SLC71A2: variants seen among roughly 807,000 people sequenced by gnomAD.
SLC71A2 encodes the protein hippocampus abundant transcript-like 1.
chr9:94,384,580 T>TA, the SLC71A2 span, among the ~76,000 whole-genome samples: 2 of 152,322 alleles, frequency 1.3e-5, no homozygotes, highest in African/African-American at 2.4e-5. Context: ...GCTCAAGTGA[T>TA]ACACCCGCCT....
chr9:94,435,436 T>G, the SLC71A2 span, among the ~76,000 whole-genome samples: 5 of 152,208 alleles, frequency 3.3e-5, no homozygotes, highest in Non-Finnish European at 5.9e-5. Flanking sequence ...TCAGCAGTTA[T>G]GCCTTTTTTC....
chr9:94,444,989 T>C, the SLC71A2 span: 3 of 1,614,106 alleles, frequency 1.9e-6, no homozygotes, highest in Non-Finnish European at 2.5e-6. Flanking sequence ...GCGGCTAGTC[T>C]TGTCAGCAGC....
At chr9:94,456,530 T>C in the SLC71A2 span, among the ~76,000 whole-genome samples, 1 of 152,226 alleles carries the variant, frequency 6.6e-6, no homozygotes, top group Non-Finnish European at 1.5e-5. Context: ...CTTATATTTT[T>C]TAAAGCTAGA....
chr9:94,386,114 T>A, the SLC71A2 span, among the ~76,000 whole-genome samples: 1 of 152,168 alleles, frequency 6.6e-6, no homozygotes, highest in African/African-American at 2.4e-5. Flanking sequence ...ATGTCTTTAT[T>A]TAGGTGAAAT....
the SLC71A2 span, among the ~76,000 whole-genome samples, chr9:94,386,014 G>A: frequency 4.6e-5 from 7 of 151,962 alleles, no homozygotes; most frequent in African/African-American, 1.7e-4. Flanking sequence ...AAGTCTTTGG[G>A]AATTTGATAG....
the SLC71A2 span, among the ~76,000 whole-genome samples, chr9:94,449,537 G>T: frequency 6.6e-5 from 10 of 152,168 alleles, no homozygotes; most frequent in East Asian, 7.7e-4. Context: ...CACCAACAAT[G>T]AGATAACCAT....
chr9:94,386,161 A>T, the SLC71A2 span, among the ~76,000 whole-genome samples: 5 of 152,176 alleles, frequency 3.3e-5, no homozygotes, highest in African/African-American at 1.2e-4. Context: ...TCAGTGTATA[A>T]GTCTTTCACT....
At chr9:94,423,762 C>G in the SLC71A2 span, among the ~76,000 whole-genome samples, 1 of 152,162 alleles carries the variant, frequency 6.6e-6, no homozygotes, top group African/African-American at 2.4e-5. Flanking sequence ...TCTGAAGATT[C>G]TAGTTTGGCT....
At chr9:94,419,118 G>GT in the SLC71A2 span, among the ~76,000 whole-genome samples, 334 of 144,530 alleles carry the variant, frequency 2.3e-3, 2 homozygotes, top group South Asian at 4.4e-3. Flanking sequence ...GCAATTTTGG[G>GT]TTTTTTTTTT....
chr9:94,448,805 G>A, the SLC71A2 span, among the ~76,000 whole-genome samples: 2 of 152,060 alleles, frequency 1.3e-5, no homozygotes, highest in Non-Finnish European at 2.9e-5. Flanking sequence ...GCTAAGTTTT[G>A]TATTTTTAGT....
At chr9:94,445,917 C>G in the SLC71A2 span, among the ~76,000 whole-genome samples, 1 of 152,182 alleles carries the variant, frequency 6.6e-6, no homozygotes, top group African/African-American at 2.4e-5. Flanking sequence ...GGGATCCTGC[C>G]TGTTCTATTA....
At chr9:94,457,235 T>A in the SLC71A2 span, among the ~76,000 whole-genome samples, 8 of 152,122 alleles carry the variant, frequency 5.3e-5, no homozygotes, top group African/African-American at 1.7e-4. Flanking sequence ...GTGCTGAGAT[T>A]ACAGGTGTGA....
chr9:94,443,855 G>A, the SLC71A2 span, among the ~76,000 whole-genome samples: 7 of 152,130 alleles, frequency 4.6e-5, no homozygotes, highest in African/African-American at 9.7e-5. Context: ...GAAAACCTGA[G>A]GGCAAGAGCT....
the SLC71A2 span, chr9:94,445,308 AAATT>A: frequency 6.8e-6 from 5 of 736,124 alleles, no homozygotes; most frequent in Admixed American, 8.7e-5. Flanking sequence ...AAAATAGAAA[AAATT>A]AATTGCAAGT....
At chr9:94,415,524 A>G in the SLC71A2 span, among the ~76,000 whole-genome samples, 1 of 152,152 alleles carries the variant, frequency 6.6e-6, no homozygotes, top group Non-Finnish European at 1.5e-5. Context: ...GTTTAGGAAG[A>G]TCCTTAAGAT....
At chr9:94,449,023 TTG>T in the SLC71A2 span, among the ~76,000 whole-genome samples, 2 of 152,232 alleles carry the variant, frequency 1.3e-5, no homozygotes, top group Non-Finnish European at 2.9e-5. Context: ...AAAATTATAC[TTG>T]TGTCTAAATT....
the SLC71A2 span, among the ~76,000 whole-genome samples, chr9:94,434,268 T>C: frequency 6.6e-6 from 1 of 152,202 alleles, no homozygotes; most frequent in Non-Finnish European, 1.5e-5. Context: ...TGTGCAACAA[T>C]ATAATCCTAC....
chr9:94,418,770 T>TG, the SLC71A2 span, among the ~76,000 whole-genome samples: 1 of 143,568 alleles, frequency 7.0e-6, no homozygotes, highest in Non-Finnish European at 1.6e-5. Flanking sequence ...TTTTTTTTTT[T>TG]TTTTTCACGA....
the SLC71A2 span, among the ~76,000 whole-genome samples, chr9:94,394,450 AT>A: frequency 9.9e-4 from 93 of 94,248 alleles, no homozygotes; most frequent in Non-Finnish European, 1.8e-3. Context: ...CAGATAAAGA[AT>A]TTTTTTTTTT....
Sources: gnomAD v4.1 joint callset for allele counts (sites outside exome capture counted in the v4.1 genomes callset) on GRCh38, gnomAD v4.1.1 for gene constraint, MANE v1.5 for transcripts, NCBI Gene and HGNC (gene_info 2026-07-23, HGNC 2026-07-21) for gene names.